Variants in FILIP1L observed in about 807,000 individuals in gnomAD.
FILIP1L encodes filamin A interacting protein 1 like.
A neutral mutation model predicts 96.6 loss-of-function variants in FILIP1L; 55 were observed. The observed-to-expected ratio is 0.57, with a 90% confidence interval of 0.46 to 0.71. The LOEUF is 0.71. Among genes scored for constraint, FILIP1L ranks in the 30% least tolerant of loss-of-function variants. FILIP1L has a pLI of 0.00. For missense variants in FILIP1L, 1,304 were observed against 1,321.2 expected (o/e 0.99, Z 0.20); for synonymous variants, 467 against 473.9 (o/e 0.99, Z 0.19).
chr3:99,847,233 A>C (rs889061459), intron 5 of FILIP1L, among the ~76,000 whole-genome samples: 2 of 152,164 alleles, frequency 1.3e-5, no homozygotes, highest in African/African-American at 4.8e-5. Flanking sequence ...ACAAAAAAAA[A>C]AACTGTAAGC....
rs1458077133 is a variant in FILIP1L, at chr3:100,060,054, C to CG, written c.-11+53998dup. Among the ~76,000 whole-genome samples the CG allele has an allele frequency of 1.6e-4, 20 of 125,598 alleles. 1 individual carries two copies. The highest frequency in any genetic ancestry group is 6.2e-4 in the African/African-American group (20 of 32,388). 82.4% of individuals were successfully genotyped at this position (125,598 alleles called of 152,430 possible). A position where few individuals can be genotyped will look rare whatever the true frequency, so the allele number is the denominator to read the frequency against. ...AGGAGGACGGTTGGGGAAATGGGGG[C>CG]GGGGGGAAGATGGGCTCCAGGTACA... On this transcript the variant is annotated intron_variant, in intron 1 of 5. Transcript: ENST00000477258.
intron 4 of FILIP1L, among the ~76,000 whole-genome samples, chr3:99,905,200 AG>A (rs1265792039): frequency 6.6e-6 from 1 of 152,210 alleles, no homozygotes; most frequent in Admixed American, 6.5e-5. Flanking sequence ...TGCTTTCCAC[AG>A]TATTTCTCCC....
At chr3:100,039,553 T>G (rs2065166005) in intron 1 of FILIP1L, among the ~76,000 whole-genome samples, 1 of 152,128 alleles carries the variant, frequency 6.6e-6, no homozygotes, top group South Asian at 2.1e-4. Flanking sequence ...CAGGAGTACC[T>G]TGGAAAAGCC....
intron 1 of FILIP1L, among the ~76,000 whole-genome samples, chr3:100,044,685 G>T (rs568354134): frequency 2.0e-5 from 3 of 152,286 alleles, no homozygotes; most frequent in East Asian, 3.9e-4. Flanking sequence ...ACCATTGAAA[G>T]ATTTTTTTAA....
intron 1 of FILIP1L, among the ~76,000 whole-genome samples, chr3:100,034,041 G>A (rs773792639): frequency 2.6e-5 from 4 of 152,022 alleles, no homozygotes; most frequent in Non-Finnish European, 4.4e-5. Context: ...TATTCAACCC[G>A]CCATGCGTTA....
intron 1 of FILIP1L, among the ~76,000 whole-genome samples, chr3:100,091,397 CTT>C (rs1413607530): frequency 6.6e-6 from 1 of 151,606 alleles, no homozygotes; most frequent in African/African-American, 2.4e-5. Context: ...AATAAATGAA[CTT>C]TGTGGAATTT....
chr3:99,962,120 G>A (rs181717985), intron 1 of FILIP1L, among the ~76,000 whole-genome samples: 11 of 152,274 alleles, frequency 7.2e-5, no homozygotes, highest in African/African-American at 2.6e-4. Context: ...AGGAGAGGAA[G>A]GTATTCCAGG....
chr3:99,884,459 T>TATA (rs1393508228), intron 4 of FILIP1L, among the ~76,000 whole-genome samples: 3 of 152,210 alleles, frequency 2.0e-5, no homozygotes, highest in African/African-American at 7.2e-5. Flanking sequence ...ATGGAACCTC[T>TATA]ATAAAGAAGT....
chr3:99,963,456 C>T (rs928757118), intron 1 of FILIP1L, among the ~76,000 whole-genome samples: 2 of 152,014 alleles, frequency 1.3e-5, no homozygotes, highest in Non-Finnish European at 2.9e-5. Context: ...CTGACGGTCT[C>T]TGTGGGTCCA....
chr3:99,854,894 G>C (rs990653205), intron 4 of FILIP1L, among the ~76,000 whole-genome samples: 2 of 152,128 alleles, frequency 1.3e-5, no homozygotes, highest in Non-Finnish European at 2.9e-5. Context: ...CTTTACCAAT[G>C]CTTCTCACAG....
intron 5 of FILIP1L, among the ~76,000 whole-genome samples, chr3:99,847,189 T>A (rs1187879769): frequency 6.6e-6 from 1 of 152,054 alleles, no homozygotes; most frequent in African/African-American, 2.4e-5. Flanking sequence ...TTGGCTTTTA[T>A]TTGCTTGTTT....
At chr3:99,912,687 T>G (rs1706831067) in intron 4 of FILIP1L, among the ~76,000 whole-genome samples, 1 of 152,190 alleles carries the variant, frequency 6.6e-6, no homozygotes, top group Non-Finnish European at 1.5e-5. Context: ...CCACAGAGCT[T>G]CTTTTCAATT....
At chr3:99,877,656 T>C (rs553630227) in intron 4 of FILIP1L, among the ~76,000 whole-genome samples, 9 of 152,236 alleles carry the variant, frequency 5.9e-5, no homozygotes, top group Non-Finnish European at 1.3e-4. Flanking sequence ...TGTAGTTTTG[T>C]TGGTTTTAAC....
chr3:100,033,997 G>T (rs2065064182), intron 1 of FILIP1L, among the ~76,000 whole-genome samples: 1 of 152,120 alleles, frequency 6.6e-6, no homozygotes, highest in South Asian at 2.1e-4. Flanking sequence ...CAGACACACA[G>T]TATGGTTATT....
chr3:99,883,570 C>T (rs1294698995), intron 4 of FILIP1L, among the ~76,000 whole-genome samples: 3 of 152,078 alleles, frequency 2.0e-5, no homozygotes, highest in Admixed American at 6.6e-5. Flanking sequence ...TTTAGACAAC[C>T]ATATCACACT....
chr3:100,028,965 T>C (rs1238911995), intron 1 of FILIP1L, among the ~76,000 whole-genome samples: 5 of 152,126 alleles, frequency 3.3e-5, no homozygotes, highest in Non-Finnish European at 7.4e-5. Context: ...TTTTACAAGC[T>C]CGTCAGTCCG....
intron 1 of FILIP1L, among the ~76,000 whole-genome samples, chr3:100,002,718 C>T (rs1214417155): frequency 6.6e-6 from 1 of 152,144 alleles, no homozygotes; most frequent in Non-Finnish European, 1.5e-5. Context: ...GGAAACGGGG[C>T]CTGTGGACCT....
At chr3:99,904,816 T>A (rs973139897) in intron 4 of FILIP1L, among the ~76,000 whole-genome samples, 1 of 152,168 alleles carries the variant, frequency 6.6e-6, no homozygotes, top group Admixed American at 6.5e-5. Flanking sequence ...TCCCCCTAAT[T>A]TCACTGTTTC....
At chr3:99,994,241 G>T (rs1329982076) in intron 1 of FILIP1L, among the ~76,000 whole-genome samples, 4 of 152,138 alleles carry the variant, frequency 2.6e-5, no homozygotes, top group African/African-American at 9.7e-5. Context: ...AGAAAACAAA[G>T]ATTACTAGAC....
Sources: gnomAD v4.1 joint callset for allele counts (sites outside exome capture counted in the v4.1 genomes callset) on GRCh38, gnomAD v4.1.1 for gene constraint, MANE v1.5 for transcripts, NCBI Gene and HGNC (gene_info 2026-07-23, HGNC 2026-07-21) for gene names.